CASP10: variants seen among roughly 807,000 people sequenced by gnomAD.
CASP10 encodes caspase-10.
In CASP10, 41 loss-of-function variants were observed where a neutral mutation model predicts 48.5. The ratio of observed to expected loss-of-function variants is 0.85; its 90% CI spans 0.66 to 1.10. CASP10 has a LOEUF of 1.10. Ranked by LOEUF, CASP10 falls within the 50% of genes least tolerant of loss-of-function variation. The pLI is 0.00. For missense variants in CASP10, 614 were observed against 614.5 expected (o/e 1.00, Z 0.01); for synonymous variants, 232 against 238.4 (o/e 0.97, Z 0.25).
At position 201,218,587 on chromosome 2, in the gene CASP10, A is replaced by G. The variant is rs41529249; in HGVS notation, c.*846A>G. On this transcript the variant is annotated 3_prime_UTR_variant, in exon 10 of 10. Transcript: ENST00000286186. ...AAAGTTCTGGGACTACAGGCATGAA[A>G]TACTGTGCCTGGCCTGGGGACCAGG... 3.3e-5 allele frequency: 33 copies of G among 985,342 alleles called. No homozygotes were observed. In the East Asian group the frequency reaches 3.7e-3, roughly 112 times the overall value. The allele number at this position is 985,342 out of a possible 1,614,324, so 61.0% of individuals were successfully genotyped here.
At chr2:201,226,315 G>A (rs13425163), downstream of CASP10, among the ~76,000 whole-genome samples, 19,239 of 152,198 alleles carry the variant, frequency 0.13, 2,681 homozygotes, top group African/African-American at 0.35. Context: ...AGTACCAAGT[G>A]TGGGTGAAGA....
chr2:201,208,380 T>C, intron 8 of CASP10, 197 bp downstream of exon 8: 1 of 985,350 alleles, frequency 1.0e-6, no homozygotes, highest in Non-Finnish European at 1.2e-6. Flanking sequence ...TTCACAATTC[T>C]GAATAGAGGA....
At chr2:201,204,847 TGAG>T (rs1945146056) in intron 6 of CASP10, among the ~76,000 whole-genome samples, 1 of 152,140 alleles carries the variant, frequency 6.6e-6, no homozygotes, top group Non-Finnish European at 1.5e-5. Flanking sequence ...TCTCTCATGG[TGAG>T]GAGGAATTTA....
chr2:201,221,092 C>A lies in CASP10; in HGVS notation c.*3351C>A. 1.0e-6 allele frequency: 1 copy of A among 985,382 alleles called. No individual in the cohort carries two copies. 61.0% of individuals were successfully genotyped at this position (985,382 alleles called of 1,614,324 possible). Reference sequence around the variant, plus strand: ...AATGCCTTTAGGTGGTAGGGTCTTCCGGTTGTAACTGCAACAGAAATAGCA... The same window carrying A: ...AATGCCTTTAGGTGGTAGGGTCTTCAGGTTGTAACTGCAACAGAAATAGCA... On this transcript the variant is annotated 3_prime_UTR_variant, in exon 10 of 10. Coordinates refer to ENST00000286186, the MANE Select transcript of CASP10 (RefSeq NM_032977.4).
chr2:201,191,499 C>T (rs139157165), intron 3 of CASP10, among the ~76,000 whole-genome samples: 1 of 152,068 alleles, frequency 6.6e-6, no homozygotes, highest in Admixed American at 6.6e-5. Flanking sequence ...ATCAGACCAG[C>T]CTTTGGAAGT....
Position 201,185,954 on chromosome 2 carries a change from A to C in CASP10, c.177A>C (p.Ser59=). Residue 59 remains serine, a synonymous_variant, in exon 2 of 10, where the codon TCA becomes TCC. Transcript: ENST00000286186. ...AGCTGGAGAAGTCCAGCTCAGCCTC[A>C]GATGTTTTTGAACATCTCTTGGCAG... ...NKKLEKSSSA[S]DVFEHLLAED... is the part of the protein sequence containing the mutation. The C allele has an allele frequency of 6.2e-7, 1 of 1,613,778 alleles. No individual in the cohort carries two copies. Among genetic ancestry groups the C allele is most frequent in the Non-Finnish European group, 8.5e-7 (1 of 1,179,916 alleles).
At chr2:201,196,758 A>T (rs1944808639) in intron 5 of CASP10, among the ~76,000 whole-genome samples, 3 of 152,220 alleles carry the variant, frequency 2.0e-5, no homozygotes, top group Admixed American at 2.0e-4. Context: ...TGTTGTGCAG[A>T]CATTACCACC....
chr2:201,220,130 T>C lies in CASP10; in HGVS notation c.*2389T>C. ...TCTCTGATTGTCATGTGGATTTGAATGTAGCTTGACAGAGGGAATGTCTAA... is the reference window on the plus strand; with the variant it reads ...TCTCTGATTGTCATGTGGATTTGAACGTAGCTTGACAGAGGGAATGTCTAA... On this transcript the variant is annotated 3_prime_UTR_variant, in exon 10 of 10. Transcript: ENST00000286186. 1 of 985,464 alleles carries C rather than the reference T, an allele frequency of 1.0e-6. No homozygotes were observed. The highest frequency in any genetic ancestry group is 1.2e-6 in the Non-Finnish European group (1 of 829,924). The allele number at this position is 985,464 out of a possible 1,614,324, so 61.0% of individuals were successfully genotyped here. A position where few individuals can be genotyped will look rare whatever the true frequency, so the allele number is the denominator to read the frequency against.
downstream of CASP10, among the ~76,000 whole-genome samples, chr2:201,226,646 A>C (rs1408832193): frequency 6.6e-6 from 1 of 151,892 alleles, no homozygotes; most frequent in Non-Finnish European, 1.5e-5. Flanking sequence ...CCAGGAGATA[A>C]GGAGGAAGTG....
At chr2:201,224,305 A>T (rs1003418528), downstream of CASP10, among the ~76,000 whole-genome samples, 1 of 152,152 alleles carries the variant, frequency 6.6e-6, no homozygotes, top group Non-Finnish European at 1.5e-5. Context: ...ATTAGAAAAA[A>T]AATGAAATCC....
intron 3 of CASP10, among the ~76,000 whole-genome samples, chr2:201,191,198 T>TC (rs897168996): frequency 6.6e-6 from 1 of 152,014 alleles, no homozygotes; most frequent in African/African-American, 2.4e-5. Flanking sequence ...TCCAAACATT[T>TC]CCCCCCTACT....
At chr2:201,200,024 T>A (rs1242220559) in intron 5 of CASP10, among the ~76,000 whole-genome samples, 2 of 152,222 alleles carry the variant, frequency 1.3e-5, no homozygotes, top group Non-Finnish European at 2.9e-5. Context: ...TATTTCCTCA[T>A]AATTAGATTC....
At chr2:201,223,371 G>GGAGCTT (rs1945748934), downstream of CASP10, among the ~76,000 whole-genome samples, 1 of 152,140 alleles carries the variant, frequency 6.6e-6, no homozygotes, top group African/African-American at 2.4e-5. Context: ...GATGGATTTG[G>GGAGCTT]GAGCTTGAAA....
rs139557636 is a variant in CASP10 at position 201,184,096 on chromosome 2, G to A, written c.-8+788G>A. Among the ~76,000 whole-genome samples the A allele has an allele frequency of 5.3e-3, 799 of 150,772 alleles. 7 individuals carry two copies. Among genetic ancestry groups the A allele is most frequent in the African/African-American group, 0.019 (762 of 40,396 alleles). On this transcript the variant is annotated intron_variant, in intron 1 of 9. Transcript: ENST00000286186. ...TTTTTTGTAGAGACGGGGTTTCACC[G>A]TGTTGCCCAGGCTTGTCCCGAATTC...
chr2:201,185,329 G>A (rs1000872273), intron 1 of CASP10, among the ~76,000 whole-genome samples: 19 of 152,136 alleles, frequency 1.2e-4, no homozygotes, highest in Non-Finnish European at 1.5e-5. Context: ...TGGGTTGATA[G>A]ATCATAAGGA....
intron 5 of CASP10, among the ~76,000 whole-genome samples, chr2:201,198,584 A>T (rs1576098049): frequency 8.5e-6 from 1 of 117,970 alleles, no homozygotes; most frequent in East Asian, 2.4e-4. Flanking sequence ...TCTGTCTCCC[A>T]GGCTGGAGTG....
At chr2:201,200,578 G>A (rs1290348589) in intron 5 of CASP10, 7 of 1,578,220 alleles carry the variant, frequency 4.4e-6, no homozygotes, top group South Asian at 1.1e-5. Context: ...ACACAGAGCC[G>A]GGAGAGGCCT....
At chr2:201,187,631 AT>A in intron 2 of CASP10, 74 bp from the exon 3 acceptor site, 1 of 1,044,608 alleles carries the variant, frequency 9.6e-7, no homozygotes. Flanking sequence ...GAAAACATTT[AT>A]GAAAGCACTT....
At chr2:201,217,137 C>T (rs986731146) in intron 9 of CASP10, among the ~76,000 whole-genome samples, 26 of 152,178 alleles carry the variant, frequency 1.7e-4, no homozygotes, top group Non-Finnish European at 3.8e-4. Flanking sequence ...GTATCTCTCC[C>T]AAGACTACAG....
Sources: gnomAD v4.1 joint callset for allele counts (sites outside exome capture counted in the v4.1 genomes callset) on GRCh38, gnomAD v4.1.1 for gene constraint, MANE v1.5 for transcripts, NCBI Gene and HGNC (gene_info 2026-07-23, HGNC 2026-07-21) for gene names.